Variants in SLC28A3 observed in about 807,000 individuals in gnomAD.
The protein encoded by SLC28A3 is concentrative Na(+)-nucleoside cotransporter 3.
Under a neutral mutation model 84.2 loss-of-function variants are expected in SLC28A3, and 68 were observed. The observed-to-expected ratio is 0.81, with a 90% CI of 0.66 to 0.99. SLC28A3 has a LOEUF of 0.99. Among genes scored for constraint, SLC28A3 ranks in the 50% least tolerant of loss-of-function variants. The probability of loss-of-function intolerance (pLI) is 0.00; values close to 1 mark genes in which losing one functional copy is unlikely to be tolerated. For synonymous variants in SLC28A3, 267 were observed against 303.6 expected (o/e 0.88, Z 1.25); for missense variants, 712 against 841.5 (o/e 0.85, Z 1.90).
intron 3 of SLC28A3, 67 bp downstream of exon 3, chr9:84,309,550 AAATCAAATGGGG>A: frequency 6.2e-6 from 5 of 806,798 alleles, no homozygotes; most frequent in Non-Finnish European, 7.8e-6. Flanking sequence ...AAAAAAAAAG[AAATCAAATGGGG>A]ATAAAACAAA....
In SLC28A3 at chr9:84,338,908, CTCCCCCA is replaced by C. The variant is rs537113495; in HGVS notation, c.60+1659_60+1665del. ...GCAGACACAGAAAGAGCTCTCTGCC[CTCCCCCA>C]TCCCCCATCTTCCTAAAAGCAGCAC... On this transcript the variant is annotated intron_variant, in intron 1 of 17. Coordinates refer to ENST00000376238, the MANE Select transcript of SLC28A3 (RefSeq NM_001199633.2). Among the ~76,000 whole-genome samples the C allele has an allele frequency of 3.0e-3, 459 of 152,148 alleles. 1 individual carries two copies. The highest frequency in any genetic ancestry group is 0.01 in the African/African-American group (434 of 41,524).
intron 1 of SLC28A3, among the ~76,000 whole-genome samples, chr9:84,313,868 G>GAAAAAAA (rs754131148): frequency 8.0e-6 from 1 of 125,562 alleles, no homozygotes; most frequent in Non-Finnish European, 1.7e-5. Flanking sequence ...GACTCTACCT[G>GAAAAAAA]AAAAAAAAAA....
At chr9:84,326,785 C>A (rs1323503579) in intron 1 of SLC28A3, among the ~76,000 whole-genome samples, 1 of 152,124 alleles carries the variant, frequency 6.6e-6, no homozygotes, top group African/African-American at 2.4e-5. Flanking sequence ...GTGGGGAGAT[C>A]ACTTGAGGTC....
At chr9:84,313,881 A>AAG (rs1338143328) in intron 1 of SLC28A3, among the ~76,000 whole-genome samples, 1 of 147,516 alleles carries the variant, frequency 6.8e-6, no homozygotes, top group African/African-American at 2.7e-5. Context: ...AAAAAAAAAA[A>AAG]AGAAAAGAAA....
At chr9:84,356,842 TAAATAAAATA>T in the SLC28A3 span, among the ~76,000 whole-genome samples, 872 of 151,512 alleles carry the variant, frequency 5.8e-3, 10 homozygotes, top group East Asian at 0.043. Flanking sequence ...AAAAAATAAA[TAAATAAAATA>T]AAATAAAATA....
the SLC28A3 span, among the ~76,000 whole-genome samples, chr9:84,368,412 A>C: frequency 2.6e-5 from 4 of 152,150 alleles, no homozygotes; most frequent in African/African-American, 9.7e-5. Context: ...ACACAGTAAC[A>C]GTCTGATCTC....
At chr9:84,358,891 C>T in the SLC28A3 span, among the ~76,000 whole-genome samples, 9 of 152,144 alleles carry the variant, frequency 5.9e-5, no homozygotes, top group Non-Finnish European at 1.2e-4. Flanking sequence ...CAACCTCTGC[C>T]GCCCAGGCTC....
chr9:84,293,527 G>T (rs1825312255), intron 9 of SLC28A3, among the ~76,000 whole-genome samples: 1 of 152,292 alleles, frequency 6.6e-6, no homozygotes, highest in South Asian at 2.1e-4. Context: ...GAGGGCTGGG[G>T]CTGTGCCCCA....
chr9:84,283,599 A>G (rs1452907071), intron 14 of SLC28A3, among the ~76,000 whole-genome samples: 2 of 152,214 alleles, frequency 1.3e-5, no homozygotes, highest in South Asian at 2.1e-4. Flanking sequence ...TTTGAATTCT[A>G]TACTATGGTA....
Position 84,302,320 on chromosome 9 carries a change from G to A in SLC28A3, c.404C>T (p.Thr135Ile), listed in dbSNP as rs778543818. Residue 135 changes from threonine to isoleucine, a missense_variant, in exon 5 of 18, where the codon ACC (threonine) becomes ATC (isoleucine). By Grantham distance (89) the Thr-to-Ile change is moderately conservative. Coordinates refer to ENST00000376238, the MANE Select transcript of SLC28A3 (RefSeq NM_001199633.2). ...GACAACAAAGAAGATGGCAGCCACG[G>A]TGATCACAAAAAGAGGAAGGGCTCT... Reference protein sequence around the residue: ...FHRALPLFVITVAAIFFVVWD... With the variant: ...FHRALPLFVIIVAAIFFVVWD... 6.2e-7 allele frequency: 1 copy of A among 1,614,006 alleles called. No homozygotes were observed. The highest frequency in any genetic ancestry group is 8.5e-7 in the Non-Finnish European group (1 of 1,180,026).
At position 84,277,019 on chromosome 9, in the gene SLC28A3, T is replaced by TGACA. The variant is rs1471800965; in HGVS notation, c.*1195_*1198dup. 1 of 152,254 alleles carries TGACA rather than the reference T, an allele frequency of 6.6e-6. No homozygotes were observed. The highest frequency in any genetic ancestry group is 1.5e-5 in the Non-Finnish European group (1 of 68,034). The allele number at this position is 152,254 out of a possible 1,614,324, so 9.4% of individuals were successfully genotyped here. On this transcript the variant is annotated 3_prime_UTR_variant, in exon 18 of 18. Coordinates refer to ENST00000376238, the MANE Select transcript of SLC28A3 (RefSeq NM_001199633.2). Reference sequence around the variant, plus strand: ...TCTCTGGAATCTTTTTCTTAGACACTGACACCCATTCTTCAAGTTTGATAC... The same window carrying TGACA: ...TCTCTGGAATCTTTTTCTTAGACACTGACAGACACCCATTCTTCAAGTTTGATAC...
intron 5 of SLC28A3, 122 bp from the exon 6 acceptor site, chr9:84,299,847 GAA>G: frequency 8.8e-7 from 1 of 1,133,576 alleles, no homozygotes; most frequent in South Asian, 1.8e-5. Flanking sequence ...GGCTGGAGTA[GAA>G]TGGAGCGATC....
chr9:84,310,842 G>A (rs1339048305), intron 2 of SLC28A3, among the ~76,000 whole-genome samples: 1 of 152,128 alleles, frequency 6.6e-6, no homozygotes, highest in African/African-American at 2.4e-5. Flanking sequence ...TCCCAGCTTA[G>A]CCAATAGTCA....
upstream of SLC28A3, among the ~76,000 whole-genome samples, chr9:84,341,931 C>A (rs1402167446): frequency 6.6e-6 from 1 of 151,954 alleles, no homozygotes; most frequent in East Asian, 1.9e-4. Context: ...GAGTTCAAGA[C>A]CAGCCTGGCC....
chr9:84,358,174 G>A, the SLC28A3 span, among the ~76,000 whole-genome samples: 1 of 152,178 alleles, frequency 6.6e-6, no homozygotes, highest in Non-Finnish European at 1.5e-5. Flanking sequence ...AGGTTCAGAG[G>A]CCAGGGGAGA....
intron 3 of SLC28A3, among the ~76,000 whole-genome samples, chr9:84,309,241 G>A (rs1014332431): frequency 3.3e-5 from 5 of 152,012 alleles, no homozygotes; most frequent in Admixed American, 2.0e-4. Flanking sequence ...TCAAATGGGA[G>A]GCCTGGTGCC....
In SLC28A3 at chr9:84,309,901, A is replaced by G. The variant is rs1564163638; in HGVS notation, c.157-187T>C. ...TCCCGGCTTATAATCTCACACAAAA[A>G]ATGCCAGGTTCATACTGAACTCTTC... is the stretch of plus-strand genomic sequence containing the variant. On this transcript the variant is annotated intron_variant, in intron 2 of 17. Coordinates refer to ENST00000376238, the MANE Select transcript of SLC28A3 (RefSeq NM_001199633.2). 2.0e-5 allele frequency among the ~76,000 whole-genome samples: 3 copies of G among 152,164 alleles called. No individual in the cohort carries two copies. The South Asian group carries it at 6.2e-4, about 31-fold the overall frequency.
At chr9:84,297,491 A>G (rs1048831885) in intron 7 of SLC28A3, among the ~76,000 whole-genome samples, 193 bp from the exon 8 acceptor site, 1 of 152,180 alleles carries the variant, frequency 6.6e-6, no homozygotes, top group Non-Finnish European at 1.5e-5. Flanking sequence ...CTGGATACAA[A>G]TTTCCTGACA....
chr9:84,359,218 T>G, the SLC28A3 span, among the ~76,000 whole-genome samples: 1 of 152,228 alleles, frequency 6.6e-6, no homozygotes, highest in African/African-American at 2.4e-5. Flanking sequence ...ATGAGCCCTC[T>G]AATACCTCTC....
Sources: gnomAD v4.1 joint callset for allele counts (sites outside exome capture counted in the v4.1 genomes callset) on GRCh38, gnomAD v4.1.1 for gene constraint, MANE v1.5 for transcripts, NCBI Gene and HGNC (gene_info 2026-07-23, HGNC 2026-07-21) for gene names.